Variants in PCTP observed in about 807,000 individuals in gnomAD.
The protein encoded by PCTP is START domain-containing protein 2.
In PCTP, 27 loss-of-function variants were observed where a neutral mutation model predicts 31.0. The observed-to-expected ratio is 0.87, with a 90% CI of 0.64 to 1.20. The LOEUF (loss-of-function observed/expected upper bound fraction) is 1.20. Among genes scored for constraint, PCTP ranks in the 50% most tolerant of loss-of-function variants. The probability of loss-of-function intolerance (pLI) is 0.00; values close to 1 mark genes in which losing one functional copy is unlikely to be tolerated. For missense variants in PCTP, 287 were observed against 268.2 expected (o/e 1.07, Z -0.49); for synonymous variants, 108 against 101.2 (o/e 1.07, Z -0.40).
chr17:55,771,246 G>C, intron 3 of PCTP, 61 bp downstream of exon 3: 4 of 1,252,604 alleles, frequency 3.2e-6, no homozygotes, highest in Non-Finnish European at 4.7e-6. Context: ...TTCCTCAGCT[G>C]CAGTCTATTG....
downstream of PCTP, among the ~76,000 whole-genome samples, chr17:55,823,571 A>T (rs565514808): frequency 6.6e-6 from 1 of 152,202 alleles, no homozygotes; most frequent in Non-Finnish European, 1.5e-5. Context: ...TAAATTAGAA[A>T]CTGGCAAGAG....
intron 5 of PCTP, among the ~76,000 whole-genome samples, chr17:55,832,948 T>A (rs969584874): frequency 6.6e-6 from 1 of 152,308 alleles, no homozygotes; most frequent in East Asian, 1.9e-4. Flanking sequence ...AAAGAGACCA[T>A]CCTTCTCCTC....
At chr17:55,771,219 C>T in intron 3 of PCTP, 34 bp downstream of exon 3, 9 of 1,527,456 alleles carry the variant, frequency 5.9e-6, no homozygotes, top group Non-Finnish European at 8.2e-6. Context: ...TTCCCTGGCC[C>T]TCTAAGTGTT....
intron 3 of PCTP, among the ~76,000 whole-genome samples, chr17:55,788,713 G>T (rs967126238): frequency 3.3e-5 from 5 of 152,126 alleles, no homozygotes; most frequent in Non-Finnish European, 1.5e-5. Context: ...GGGGTATCCA[G>T]GTGTTCACTG....
At chr17:55,773,684 C>A in intron 3 of PCTP, 40 bp from the exon 4 acceptor site, 1 of 1,571,010 alleles carries the variant, frequency 6.4e-7, no homozygotes, top group South Asian at 1.1e-5. Context: ...TGTCTGTCTA[C>A]AATGCTGGCG....
At chr17:55,775,283 CT>C (rs535238414) in intron 5 of PCTP, 13,723 of 826,844 alleles carry the variant, frequency 0.017, 7 homozygotes, top group East Asian at 0.03. Flanking sequence ...TGTTGTTGCC[CT>C]TTTTTTTTTT....
chr17:55,762,847 G>T (rs961396352), intron 1 of PCTP, among the ~76,000 whole-genome samples: 1 of 152,076 alleles, frequency 6.6e-6, no homozygotes. Flanking sequence ...TTGCCACGGG[G>T]TTCTCTTAAT....
downstream of PCTP, among the ~76,000 whole-genome samples, chr17:55,845,887 G>GGGGTGTGTGT (rs1555572496): frequency 1.1e-4 from 16 of 142,960 alleles, no homozygotes; most frequent in South Asian, 4.6e-4. Context: ...AGAGGGTTGG[G>GGGGTGTGTGT]GTGTGTGTGT....
At chr17:55,792,355 A>G (rs956048194) in intron 3 of PCTP, among the ~76,000 whole-genome samples, 2 of 151,196 alleles carry the variant, frequency 1.3e-5, no homozygotes, top group Non-Finnish European at 3.0e-5. Context: ...ACACATACTC[A>G]TATTTCTAAA....
intron 1 of PCTP, among the ~76,000 whole-genome samples, chr17:55,762,220 G>A (rs1005772536): frequency 2.0e-5 from 3 of 152,182 alleles, no homozygotes; most frequent in African/African-American, 7.2e-5. Context: ...AAGTTCAGGG[G>A]CCTGGAGGAA....
At chr17:55,823,442 G>T (rs1267678561), downstream of PCTP, among the ~76,000 whole-genome samples, 1 of 152,198 alleles carries the variant, frequency 6.6e-6, no homozygotes, top group Non-Finnish European at 1.5e-5. Flanking sequence ...CGACTGGGAA[G>T]TGCTGATATT....
intron 3 of PCTP, among the ~76,000 whole-genome samples, chr17:55,792,503 A>C: frequency 6.6e-6 from 1 of 152,112 alleles, no homozygotes; most frequent in East Asian, 1.9e-4. Context: ...ATCTCACATA[A>C]CTTACCATTA....
intron 2 of PCTP, among the ~76,000 whole-genome samples, chr17:55,768,362 G>A (rs1029685783): frequency 6.6e-6 from 1 of 152,130 alleles, no homozygotes; most frequent in Non-Finnish European, 1.5e-5. Context: ...TGCGGTCCAA[G>A]TTTTGGTTTG....
chr17:55,802,066 C>T (rs567970284), intron 3 of PCTP, among the ~76,000 whole-genome samples: 2 of 152,280 alleles, frequency 1.3e-5, no homozygotes, highest in East Asian at 3.9e-4. Context: ...TACAAACTAC[C>T]ATTACAGAAT....
intron 1 of PCTP, 67 bp downstream of exon 1, chr17:55,751,311 G>C: frequency 6.6e-7 from 1 of 1,514,578 alleles, no homozygotes; most frequent in South Asian, 1.2e-5. Flanking sequence ...CCCGCAGGGA[G>C]TGCGGGGCGG....
chr17:55,783,665 G>A (rs2144990894), intron 2 of PCTP, among the ~76,000 whole-genome samples: 1 of 152,310 alleles, frequency 6.6e-6, no homozygotes, highest in Non-Finnish European at 1.5e-5. Flanking sequence ...CCAAGGGAGA[G>A]TGAATGATAT....
intron 3 of PCTP, among the ~76,000 whole-genome samples, chr17:55,788,208 G>C (rs1242976831): frequency 6.6e-6 from 1 of 152,092 alleles, no homozygotes; most frequent in African/African-American, 2.4e-5. Flanking sequence ...TTAATGATTT[G>C]TACCATGCTA....
chr17:55,771,216 G>A, intron 3 of PCTP, 31 bp downstream of exon 3: 1 of 1,537,648 alleles, frequency 6.5e-7, no homozygotes, highest in Non-Finnish European at 9.0e-7. Flanking sequence ...TCATTCCCTG[G>A]CCCTCTAAGT....
At chr17:55,814,297 T>A (rs1030621693) in intron 3 of PCTP, among the ~76,000 whole-genome samples, 1 of 152,070 alleles carries the variant, frequency 6.6e-6, no homozygotes, top group Non-Finnish European at 1.5e-5. Flanking sequence ...GAGGATTAGA[T>A]AAGAGGAGAA....
Sources: gnomAD v4.1 joint callset for allele counts (sites outside exome capture counted in the v4.1 genomes callset) on GRCh38, gnomAD v4.1.1 for gene constraint, MANE v1.5 for transcripts, NCBI Gene and HGNC (gene_info 2026-07-23, HGNC 2026-07-21) for gene names.